The following MTHFSD variants were observed in gnomAD, a reference collection of about 807,000 sequenced individuals.
The protein encoded by MTHFSD is methenyltetrahydrofolate synthase domain-containing protein.
MTHFSD carries 37 observed loss-of-function variants against 31.1 expected under a neutral mutation model. The ratio of observed to expected loss-of-function variants is 1.19; its 90% CI spans 0.91 to 1.56. The LOEUF (loss-of-function observed/expected upper bound fraction) is 1.56, where lower values mean the gene tolerates loss of function less well. MTHFSD is among the 40% of genes most tolerant of loss of function. The probability of loss-of-function intolerance (pLI) is 0.00; values close to 1 mark genes in which losing one functional copy is unlikely to be tolerated. For synonymous variants in MTHFSD, 221 were observed against 206.9 expected, an observed-to-expected ratio of 1.07 and a Z score of -0.59; for missense variants, 664 against 510.1, an observed-to-expected ratio of 1.30 and a Z score of -2.91.
chr16:86,542,505 A>G lies in MTHFSD; in HGVS notation c.443-292T>C. 3.0e-6 allele frequency: 1 copy of G among 331,248 alleles called. No homozygotes were observed. The highest frequency in any genetic ancestry group is 6.1e-5 in the South Asian group (1 of 16,264). The allele number at this position is 331,248 out of a possible 1,614,324, so 20.5% of individuals were successfully genotyped here. A position where few individuals can be genotyped will look rare whatever the true frequency, so the allele number is the denominator to read the frequency against. The stretch of plus-strand genomic sequence containing the variant: ...AAGGGAAACAGATCACACTCATGTC[A>G]GCTTTATGTTAGCAAGACTCATACT... On this transcript the variant is annotated intron_variant, in intron 5 of 7. Coordinates refer to ENST00000360900, the MANE Select transcript of MTHFSD (RefSeq NM_001159377.2). The surrounding 1 kb of genome is among the most constrained non-coding windows in gnomAD (Gnocchi z 4.6).
rs201038572 is a variant in MTHFSD at position 86,552,033 on chromosome 16, C to T, written c.237G>A (p.Gln79=). 11 of 1,614,032 alleles carry T rather than the reference C, an allele frequency of 6.8e-6. No individual in the cohort carries two copies. The South Asian group carries it at 8.8e-5, about 13-fold the overall frequency. ...GCTCGGCTCAGGGAAGTGGAATTAC[C>T]TGCAGCACCAGCAGCCGAACGCCTT... ...PLEGVRLLVL[Q]SKKTLLVPTP... Residue 79 remains glutamine (Q), a splice_region_variant and synonymous_variant, in exon 3 of 8, where the codon CAG becomes CAA. Coordinates refer to ENST00000360900, the MANE Select transcript of MTHFSD (RefSeq NM_001159377.2).
intron 4 of MTHFSD, chr16:86,547,450 G>A (rs1051229572): frequency 2.8e-5 from 28 of 986,052 alleles, no homozygotes; most frequent in South Asian, 2.3e-4. Flanking sequence ...CAGTGCATAC[G>A]GGTGGCTTGG....
chr16:86,541,964 C>G, intron 6 of MTHFSD, 137 bp downstream of exon 6: 1 of 1,361,510 alleles, frequency 7.3e-7, no homozygotes, highest in Non-Finnish European at 1.0e-6. Context: ...CGCTGTACCA[C>G]TAGCAAGTCC....
chr16:86,541,241 G>A, intron 7 of MTHFSD: 1 of 1,287,916 alleles, frequency 7.8e-7, no homozygotes, highest in Non-Finnish European at 1.0e-6. Context: ...ACAAAGGCTT[G>A]GTACTGCCTC....
At chr16:86,544,391 C>G (rs1370191243) in intron 5 of MTHFSD, among the ~76,000 whole-genome samples, 1 of 152,040 alleles carries the variant, frequency 6.6e-6, no homozygotes, top group East Asian at 1.9e-4. Context: ...GAAAAAAACC[C>G]AAACAACCCC....
At chr16:86,547,767 T>C (rs1282625652) in intron 4 of MTHFSD, among the ~76,000 whole-genome samples, 1 of 152,190 alleles carries the variant, frequency 6.6e-6, no homozygotes, top group Non-Finnish European at 1.5e-5. Context: ...AATGAAACGT[T>C]CCAGTTTTAT....
intron 2 of MTHFSD, among the ~76,000 whole-genome samples, 185 bp downstream of exon 2, chr16:86,554,460 G>A (rs1422289170): frequency 6.6e-6 from 1 of 152,184 alleles, no homozygotes; most frequent in Admixed American, 6.5e-5. Context: ...GAGGCCCCAG[G>A]TGAAGAGTAA....
At chr16:86,551,967 A>G in intron 3 of MTHFSD, 66 bp downstream of exon 3, 1 of 1,603,366 alleles carries the variant, frequency 6.2e-7, no homozygotes, top group South Asian at 1.1e-5. Context: ...TGCACTGACC[A>G]GCTACCTGGA....
intron 7 of MTHFSD, among the ~76,000 whole-genome samples, chr16:86,538,638 G>A (rs1198698503): frequency 6.6e-6 from 1 of 152,212 alleles, no homozygotes; most frequent in African/African-American, 2.4e-5. Context: ...CAGACTACCT[G>A]ACACACGGCT....
chr16:86,540,796 A>C, intron 7 of MTHFSD: 1 of 1,006,592 alleles, frequency 9.9e-7, no homozygotes, highest in Non-Finnish European at 1.2e-6. Context: ...AGGGCCGCCC[A>C]TACACTCTGG....
chr16:86,553,296 C>G (rs894062512), intron 2 of MTHFSD: 1 of 152,364 alleles, frequency 6.6e-6, no homozygotes, highest in Non-Finnish European at 1.5e-5. Context: ...CCCTCGGTCC[C>G]TCTCGGCGCC....
intron 5 of MTHFSD, among the ~76,000 whole-genome samples, chr16:86,543,924 G>C (rs576417676): frequency 2.0e-5 from 3 of 152,176 alleles, no homozygotes; most frequent in Non-Finnish European, 4.4e-5. Context: ...GCAAACCCTC[G>C]TATGAATGGT....
intron 4 of MTHFSD, chr16:86,547,496 A>G: frequency 1.0e-6 from 1 of 986,344 alleles, no homozygotes. Flanking sequence ...GGCTTAGTCC[A>G]GGAAACCCTG....
intron 2 of MTHFSD, among the ~76,000 whole-genome samples, chr16:86,552,927 T>C (rs1973389584): frequency 6.6e-6 from 1 of 152,028 alleles, no homozygotes; most frequent in Non-Finnish European, 1.5e-5. Context: ...CGCTTTCTTT[T>C]GCTCTTGGAA....
intron 7 of MTHFSD, among the ~76,000 whole-genome samples, chr16:86,536,462 C>CA (rs1970707271): frequency 6.6e-6 from 1 of 152,174 alleles, no homozygotes; most frequent in Non-Finnish European, 1.5e-5. Flanking sequence ...TCAAAGGTGT[C>CA]AGTTGGTAGA....
In MTHFSD at chr16:86,535,332, G is replaced by GAAACATCTTCCTGA. The variant is rs60646921; in HGVS notation, c.682-2852_682-2851insTCAGGAAGATGTTT. 3.0e-6 allele frequency: 3 copies of GAAACATCTTCCTGA among 985,098 alleles called. No homozygotes were observed. The African/African-American group carries it at 5.2e-5, about 17-fold the overall frequency. 61.0% of individuals were successfully genotyped at this position (985,098 alleles called of 1,614,324 possible). On this transcript the variant is annotated intron_variant, in intron 7 of 7. Transcript: ENST00000360900. ...GCTCCCTCCTCCTCAAGCTCTAATG[G>GAAACATCTTCCTGA]CTGTGGGGCGGCTTTGCCACTCTGC... is the stretch of plus-strand genomic sequence containing the variant.
At position 86,532,026 on chromosome 16, in the gene MTHFSD, C is replaced by T; in HGVS notation, c.1137G>A (p.Gln379=). Residue 379 remains glutamine (Q), a synonymous_variant, in exon 8 of 8, where the codon CAG becomes CAA. Transcript: ENST00000360900. ...TDTLRVALAR[Q]QRDK is the part of the protein sequence containing the mutation. ...GTCCACGAGGTCACTTGTCCCTCTG[C>T]TGCCTGGCCAGCGCCACCCTCAGGG... The T allele has an allele frequency of 1.4e-6, 2 of 1,480,840 alleles. No individual in the cohort carries two copies. Among genetic ancestry groups the T allele is most frequent in the South Asian group, 1.4e-5 (1 of 73,748 alleles). 91.7% of individuals were successfully genotyped at this position (1,480,840 alleles called of 1,614,324 possible). A position where few individuals can be genotyped will look rare whatever the true frequency, so the allele number is the denominator to read the frequency against.
rs1434660135 is a variant in MTHFSD, at chr16:86,542,200, CCCGATTCT to C, written c.448_455del (p.Arg150GlufsTer39). On this transcript the variant is annotated frameshift_variant, in exon 6 of 8. Coordinates refer to ENST00000360900, the MANE Select transcript of MTHFSD (RefSeq NM_001159377.2). LOFTEE classifies it high-confidence loss of function. The surrounding 1 kb of genome is among the most constrained non-coding windows in gnomAD (Gnocchi z 4.6). ...CCAGATCGGCGTAGCCTTCTCCCTT[CCCGATTCT>C]CCAGCCTAAGAGACAACCGAGAATC... The C allele has an allele frequency of 6.2e-7, 1 of 1,613,546 alleles. No individual in the cohort carries two copies. The highest frequency in any genetic ancestry group is 8.5e-7 in the Non-Finnish European group (1 of 1,179,900).
chr16:86,546,506 G>C, intron 5 of MTHFSD, 53 bp downstream of exon 5: 1 of 1,509,636 alleles, frequency 6.6e-7, no homozygotes, highest in Non-Finnish European at 9.2e-7. Flanking sequence ...CTGGCACGCA[G>C]CCGCCTTCAG....
Sources: gnomAD v4.1 joint callset for allele counts (sites outside exome capture counted in the v4.1 genomes callset) on GRCh38, gnomAD v4.1.1 for gene constraint, Gnocchi (gnomAD v3.1) non-coding constraint, MANE v1.5 for transcripts, NCBI Gene and HGNC (gene_info 2026-07-23, HGNC 2026-07-21) for gene names.